Variants in CLYBL observed in about 807,000 individuals in gnomAD.
The protein encoded by CLYBL is citramalyl-CoA lyase.
CLYBL carries 31 observed loss-of-function variants against 38.9 expected under a neutral mutation model. That is an observed-to-expected ratio of 0.80 (90% CI 0.60 to 1.08). The LOEUF (loss-of-function observed/expected upper bound fraction) is 1.08, where lower values mean the gene tolerates loss of function less well. Among genes scored for constraint, CLYBL ranks in the 50% least tolerant of loss-of-function variants. The pLI, the probability that CLYBL is intolerant of heterozygous loss-of-function variation, is 0.00. For synonymous variants in CLYBL, 171 were observed against 158.6 expected (o/e 1.08, Z -0.59); for missense variants, 434 against 411.6 (o/e 1.05, Z -0.47).
At chr13:99,618,278 T>C (rs2046743881) in intron 1 of CLYBL, among the ~76,000 whole-genome samples, 3 of 135,096 alleles carry the variant, frequency 2.2e-5, no homozygotes, top group Admixed American at 2.1e-4. Context: ...TCATTTTAAC[T>C]TTTTTTTTTT....
At chr13:99,681,653 C>T (rs2047735733) in intron 1 of CLYBL, among the ~76,000 whole-genome samples, 1 of 151,442 alleles carries the variant, frequency 6.6e-6, no homozygotes, top group Non-Finnish European at 1.5e-5. Context: ...GTGGCACGGT[C>T]TCGGCTCATT....
intron 2 of CLYBL, among the ~76,000 whole-genome samples, chr13:99,780,421 C>CT (rs2049617867): frequency 6.6e-6 from 1 of 152,148 alleles, no homozygotes; most frequent in South Asian, 2.1e-4. Context: ...CGCTCTGTCA[C>CT]CCAGGCTGGA....
At chr13:99,784,803 T>A (rs2049749640) in intron 2 of CLYBL, among the ~76,000 whole-genome samples, 1 of 152,296 alleles carries the variant, frequency 6.6e-6, no homozygotes, top group Admixed American at 6.5e-5. Flanking sequence ...AAAAAGTACT[T>A]TTGTTGAAAT....
At chr13:99,808,146 C>T (rs779773682) in intron 2 of CLYBL, among the ~76,000 whole-genome samples, 71 of 152,126 alleles carry the variant, frequency 4.7e-4, no homozygotes, top group Admixed American at 7.2e-4. Flanking sequence ...AGTGCAGTGG[C>T]GCAATCACAG....
At chr13:99,662,002 C>G (rs914810961) in intron 1 of CLYBL, among the ~76,000 whole-genome samples, 1 of 152,114 alleles carries the variant, frequency 6.6e-6, no homozygotes, top group Admixed American at 6.6e-5. Flanking sequence ...GTGTTTCTGC[C>G]GCAGCTGAAG....
At chr13:99,684,055 T>G (rs28627688) in intron 1 of CLYBL, among the ~76,000 whole-genome samples, 6 of 142,354 alleles carry the variant, frequency 4.2e-5, no homozygotes, top group African/African-American at 1.6e-4. Context: ...TTTTTTTTTG[T>G]ATTTTTAATA....
intron 1 of CLYBL, among the ~76,000 whole-genome samples, chr13:99,657,598 TAAC>T (rs2047347110): frequency 6.6e-6 from 1 of 150,954 alleles, no homozygotes; most frequent in African/African-American, 2.4e-5. Context: ...TAGATCATAA[TAAC>T]ATCTAAATTT....
intron 1 of CLYBL, among the ~76,000 whole-genome samples, chr13:99,677,831 C>G (rs911411453): frequency 6.6e-6 from 1 of 152,110 alleles, no homozygotes; most frequent in Non-Finnish European, 1.5e-5. Context: ...TTGCAGTACA[C>G]ATCGGGTTTC....
chr13:99,789,151 C>T (rs578193300), intron 2 of CLYBL, among the ~76,000 whole-genome samples: 6 of 152,220 alleles, frequency 3.9e-5, no homozygotes, highest in East Asian at 1.9e-4. Flanking sequence ...AAAACCAGCT[C>T]GTGGATTCAT....
Position 99,759,707 on chromosome 13 carries a change from C to T in CLYBL, c.63-13117C>T, listed in dbSNP as rs1322172873. Among the ~76,000 whole-genome samples, 4 of 152,140 alleles carry T rather than the reference C, an allele frequency of 2.6e-5. No individual in the cohort carries two copies. The East Asian group carries it at 7.7e-4, about 29-fold the overall frequency. On this transcript the variant is annotated intron_variant, in intron 1 of 8. Transcript: ENST00000339105. ...AATAATACTATAGTAGCTGTATCTA[C>T]CTACTACTTGTTTTACTCTTCGGGA...
At chr13:99,819,084 A>T (rs1270188940) in intron 2 of CLYBL, among the ~76,000 whole-genome samples, 2 of 152,014 alleles carry the variant, frequency 1.3e-5, no homozygotes, top group Non-Finnish European at 2.9e-5. Flanking sequence ...GGTGGCTCAC[A>T]CCTGTAATTC....
At chr13:99,628,350 G>C (rs1184179981) in intron 1 of CLYBL, among the ~76,000 whole-genome samples, 2 of 152,130 alleles carry the variant, frequency 1.3e-5, no homozygotes, top group African/African-American at 2.4e-5. Flanking sequence ...ACTTACTCTC[G>C]GTTTCTTTAA....
chr13:99,765,573 T>A (rs2049252653), intron 1 of CLYBL, among the ~76,000 whole-genome samples: 2 of 152,142 alleles, frequency 1.3e-5, no homozygotes. Context: ...TTTTCTTTCC[T>A]CCCTGTGTCA....
chr13:99,876,728 G>C (rs927951781), intron 7 of CLYBL, among the ~76,000 whole-genome samples: 4 of 152,136 alleles, frequency 2.6e-5, no homozygotes, highest in African/African-American at 9.7e-5. Flanking sequence ...TGGAGAGAGG[G>C]CTGCGAGCAG....
At chr13:99,791,046 G>A (rs972934094) in intron 2 of CLYBL, among the ~76,000 whole-genome samples, 7 of 152,150 alleles carry the variant, frequency 4.6e-5, no homozygotes, top group Non-Finnish European at 1.0e-4. Context: ...TGTGATTTGA[G>A]GAAGGCCTTT....
At chr13:99,831,369 G>T (rs1467171323) in intron 2 of CLYBL, among the ~76,000 whole-genome samples, 1 of 152,098 alleles carries the variant, frequency 6.6e-6, no homozygotes, top group East Asian at 1.9e-4. Context: ...CATCATGGTT[G>T]TTCTTACTAA....
intron 1 of CLYBL, among the ~76,000 whole-genome samples, chr13:99,675,271 T>G (rs572139623): frequency 1.3e-5 from 2 of 152,206 alleles, no homozygotes; most frequent in Non-Finnish European, 2.9e-5. Flanking sequence ...CCAGGACCAC[T>G]GCATTACAGA....
intron 1 of CLYBL, among the ~76,000 whole-genome samples, chr13:99,763,548 C>CTTTTT (rs59409196): frequency 1.7e-5 from 2 of 116,120 alleles, no homozygotes; most frequent in Non-Finnish European, 3.5e-5. Flanking sequence ...TCTTTTTATT[C>CTTTTT]TTTTTTTTTT....
chr13:99,751,624 A>C (rs987395910), intron 1 of CLYBL, among the ~76,000 whole-genome samples: 6 of 152,210 alleles, frequency 3.9e-5, no homozygotes, highest in African/African-American at 1.2e-4. Flanking sequence ...ATTCATAGAG[A>C]TGGAAAGTCA....
Sources: gnomAD v4.1 joint callset for allele counts (sites outside exome capture counted in the v4.1 genomes callset) on GRCh38, gnomAD v4.1.1 for gene constraint, MANE v1.5 for transcripts, NCBI Gene and HGNC (gene_info 2026-07-23, HGNC 2026-07-21) for gene names.